Variants in MAP2K6 observed in about 807,000 individuals in gnomAD.
MAP2K6 encodes dual specificity mitogen-activated protein kinase kinase 6.
MAP2K6 carries 16 observed loss-of-function variants against 53.7 expected under a neutral mutation model. The ratio of observed to expected loss-of-function variants is 0.30; its 90% CI spans 0.20 to 0.45. MAP2K6 has a LOEUF of 0.45. MAP2K6 is among the 20% of genes least tolerant of loss of function. The pLI, the probability that MAP2K6 is intolerant of heterozygous loss-of-function variation, is 1.00. For missense variants in MAP2K6, 204 were observed against 411.9 expected, an observed-to-expected ratio of 0.50 and a Z score of 4.37; for synonymous variants, 132 against 143.1, an observed-to-expected ratio of 0.92 and a Z score of 0.55.
intron 1 of MAP2K6, among the ~76,000 whole-genome samples, chr17:69,415,873 A>C (rs1905882804): frequency 6.6e-6 from 1 of 152,130 alleles, no homozygotes; most frequent in East Asian, 1.9e-4. Flanking sequence ...TGTTTTCTTT[A>C]TGTTCTTTTA....
intron 10 of MAP2K6, among the ~76,000 whole-genome samples, chr17:69,528,376 A>G (rs531955964): frequency 1.3e-5 from 2 of 152,200 alleles, no homozygotes; most frequent in South Asian, 2.1e-4. Context: ...TAAAAGATAT[A>G]TCTTCTAGGC....
intron 1 of MAP2K6, among the ~76,000 whole-genome samples, chr17:69,489,174 T>A (rs1908652612): frequency 6.8e-6 from 1 of 146,252 alleles, no homozygotes; most frequent in Non-Finnish European, 1.5e-5. Flanking sequence ...GAGCTGAGAT[T>A]GCGCCATTGC....
chr17:69,499,866 A>G (rs969106068), intron 1 of MAP2K6, among the ~76,000 whole-genome samples: 1 of 152,218 alleles, frequency 6.6e-6, no homozygotes, highest in Admixed American at 6.5e-5. Context: ...CAACTAAAAT[A>G]TCAAAGTTTC....
chr17:69,431,043 A>C (rs1034835444), intron 1 of MAP2K6, among the ~76,000 whole-genome samples: 2 of 152,212 alleles, frequency 1.3e-5, no homozygotes, highest in East Asian at 3.8e-4. Flanking sequence ...AAAAGTGATT[A>C]TTGAGTGCTT....
At chr17:69,533,549 C>T (rs1030609752) in intron 10 of MAP2K6, among the ~76,000 whole-genome samples, 5 of 152,086 alleles carry the variant, frequency 3.3e-5, no homozygotes, top group African/African-American at 7.2e-5. Context: ...AGATGCAATG[C>T]GGAGTTTAAG....
At chr17:69,471,567 A>G (rs1907982711) in intron 1 of MAP2K6, among the ~76,000 whole-genome samples, 1 of 152,218 alleles carries the variant, frequency 6.6e-6, no homozygotes, top group Non-Finnish European at 1.5e-5. Flanking sequence ...ACTAGGCGCA[A>G]TGTTCACTAT....
rs772037812 is a variant in MAP2K6, at chr17:69,521,032, T to G, written c.484-17T>G. On this transcript the variant is annotated splice_polypyrimidine_tract_variant and intron_variant, in intron 6 of 11. Coordinates refer to ENST00000590474, the MANE Select transcript of MAP2K6 (RefSeq NM_002758.4). ...CAGCAATGTGATAAATAAATCTATCTTGTGTTTCTCTTGCAGATTGTAAAA... is the reference window on the plus strand; with the variant it reads ...CAGCAATGTGATAAATAAATCTATCGTGTGTTTCTCTTGCAGATTGTAAAA... 3 of 1,584,698 alleles carry G rather than the reference T, an allele frequency of 1.9e-6. No homozygotes were observed. The highest frequency in any genetic ancestry group is 1.1e-5 in the South Asian group (1 of 88,134).
At chr17:69,472,222 A>G (rs1195126274) in intron 1 of MAP2K6, among the ~76,000 whole-genome samples, 3 of 152,172 alleles carry the variant, frequency 2.0e-5, no homozygotes, top group African/African-American at 4.8e-5. Context: ...AAATCTCAGC[A>G]TTAAGCACCA....
rs118056935 is a variant in MAP2K6, at chr17:69,416,826, G to T, written c.16+1826G>T. On this transcript the variant is annotated intron_variant, in intron 1 of 11. Coordinates refer to ENST00000590474, the MANE Select transcript of MAP2K6 (RefSeq NM_002758.4). The stretch of plus-strand genomic sequence containing the variant: ...GATAGTCAGGAAGGTTTATGAAGAG[G>T]GTGGTGTTTACTGTGATCTTATCTT... Among the ~76,000 whole-genome samples, 905 of 152,276 alleles carry T rather than the reference G, an allele frequency of 5.9e-3. 8 individuals carry two copies. Among genetic ancestry groups the T allele is most frequent in the Non-Finnish European group, 9.6e-3 (651 of 68,008 alleles).
intron 1 of MAP2K6, among the ~76,000 whole-genome samples, chr17:69,463,618 A>G (rs528641172): frequency 2.4e-4 from 36 of 150,472 alleles, no homozygotes; most frequent in African/African-American, 8.8e-4. Flanking sequence ...CTCTCTCTCT[A>G]TATATATACA....
At chr17:69,537,982 A>G (rs1911436673) in intron 11 of MAP2K6, among the ~76,000 whole-genome samples, 1 of 152,108 alleles carries the variant, frequency 6.6e-6, no homozygotes, top group Non-Finnish European at 1.5e-5. Context: ...ATATACAGTT[A>G]TTCTTGTAGG....
chr17:69,431,899 C>G (rs1467790282), intron 1 of MAP2K6, among the ~76,000 whole-genome samples: 1 of 152,196 alleles, frequency 6.6e-6, no homozygotes, highest in South Asian at 2.1e-4. Context: ...CATTCTCTGT[C>G]TTTCAGAAAA....
intron 1 of MAP2K6, among the ~76,000 whole-genome samples, chr17:69,440,602 A>AT (rs576446645): frequency 3.1e-3 from 465 of 151,704 alleles, no homozygotes; most frequent in African/African-American, 9.0e-3. Flanking sequence ...TCTTTTAGCC[A>AT]TTTTTTTTAA....
chr17:69,432,011 C>T (rs937711017), intron 1 of MAP2K6, among the ~76,000 whole-genome samples: 1 of 152,216 alleles, frequency 6.6e-6, no homozygotes, highest in African/African-American at 2.4e-5. Context: ...CCCCATGGCT[C>T]ACTACCCACT....
At position 69,552,752 on chromosome 17, in the gene MAP2K6, G is replaced by A. The variant is rs1211628731; in HGVS notation, c.*10999G>A. ...GGATTGTATTTAAAATACCTGTTTT[G>A]TGGGACAGCATGCCTTTGTTTTCTT... On this transcript the variant is annotated 3_prime_UTR_variant, in exon 12 of 12. Transcript: ENST00000590474. 6.6e-6 allele frequency: 1 copy of A among 152,142 alleles called. No homozygotes were observed. Among genetic ancestry groups the A allele is most frequent in the Non-Finnish European group, 1.5e-5 (1 of 68,032 alleles). The allele number at this position is 152,142 out of a possible 1,614,324, so 9.4% of individuals were successfully genotyped here. A position where few individuals can be genotyped will look rare whatever the true frequency, so the allele number is the denominator to read the frequency against.
chr17:69,469,875 G>A (rs896961972), intron 1 of MAP2K6, among the ~76,000 whole-genome samples: 8 of 152,086 alleles, frequency 5.3e-5, no homozygotes, highest in African/African-American at 1.7e-4. Context: ...CATGGTCGGT[G>A]GAGCAATGAA....
chr17:69,529,541 T>G (rs183237624), intron 10 of MAP2K6, among the ~76,000 whole-genome samples: 1,550 of 146,262 alleles, frequency 0.011, 26 homozygotes, highest in African/African-American at 0.038. Context: ...GACGGAGTTT[T>G]GCTCTGCCAC....
At chr17:69,536,710 G>T (rs1567861244) in intron 11 of MAP2K6, among the ~76,000 whole-genome samples, 1 of 152,224 alleles carries the variant, frequency 6.6e-6, no homozygotes, top group Non-Finnish European at 1.5e-5. Context: ...CACTTGCTGT[G>T]TCTATAAAAA....
chr17:69,457,284 T>TA lies in MAP2K6; in HGVS notation c.16+42285dup, dbSNP rs1386541106. ...GGAAGGACTCCCACGCCAGCACCAT[T>TA]ACACTATTTTCCCTGTCTTATCTGA... On this transcript the variant is annotated intron_variant, in intron 1 of 11. Transcript: ENST00000590474. Among the ~76,000 whole-genome samples the TA allele has an allele frequency of 2.0e-5, 3 of 152,338 alleles. No individual in the cohort carries two copies. The East Asian group carries it at 5.8e-4, about 29-fold the overall frequency.
Sources: gnomAD v4.1 joint callset for allele counts (sites outside exome capture counted in the v4.1 genomes callset) on GRCh38, gnomAD v4.1.1 for gene constraint, MANE v1.5 for transcripts, NCBI Gene and HGNC (gene_info 2026-07-23, HGNC 2026-07-21) for gene names.